Variants in DACH2 observed in about 807,000 individuals in gnomAD.
DACH2 encodes the protein dachshund homolog 2.
DACH2 carries 17 observed loss-of-function variants against 35.8 expected under a neutral mutation model. That is an observed-to-expected ratio of 0.48 (90% CI 0.33 to 0.71). The LOEUF (loss-of-function observed/expected upper bound fraction) is 0.71. Among genes scored for constraint, DACH2 ranks in the 30% least tolerant of loss-of-function variants. The pLI is 0.02. For missense variants in DACH2, 469 were observed against 472.7 expected (o/e 0.99, Z 0.07); for synonymous variants, 195 against 177.3 (o/e 1.10, Z -0.79).
intron 3 of DACH2, among the ~76,000 whole-genome samples, chrX:86,601,722 T>C (rs2039792165): frequency 8.9e-6 from 1 of 112,451 alleles, no homozygotes; most frequent in Non-Finnish European, 1.9e-5. Context: ...ATTTGATCAT[T>C]ATATGTTTAT....
At chrX:86,693,022 A>G (rs932370027) in intron 4 of DACH2, among the ~76,000 whole-genome samples, 2 of 112,544 alleles carry the variant, frequency 1.8e-5, no homozygotes, top group African/African-American at 6.4e-5. Flanking sequence ...TGTTAACACT[A>G]AAATATGTCA....
At chrX:86,356,546 AG>A (rs201694668) in intron 1 of DACH2, among the ~76,000 whole-genome samples, 4,638 of 111,359 alleles carry the variant, frequency 0.042, 116 homozygotes, top group East Asian at 0.21. Context: ...GAATTTTAGA[AG>A]AATTGTTTCT....
chrX:86,390,102 T>C (rs1241629793), intron 2 of DACH2, among the ~76,000 whole-genome samples: 3 of 111,793 alleles, frequency 2.7e-5, no homozygotes, highest in Non-Finnish European at 5.6e-5. Context: ...TCTACTCTTA[T>C]TAGCTCTCGT....
chrX:86,395,885 T>C (rs2036279122), intron 2 of DACH2, among the ~76,000 whole-genome samples: 1 of 111,741 alleles, frequency 8.9e-6, no homozygotes, highest in Non-Finnish European at 1.9e-5. Flanking sequence ...TGATTTATAA[T>C]CCTTTGGGTA....
intron 1 of DACH2, among the ~76,000 whole-genome samples, chrX:86,246,143 G>T (rs1056693799): frequency 1.8e-5 from 2 of 111,644 alleles, no homozygotes; most frequent in Non-Finnish European, 3.8e-5. Context: ...ATGGAATGAA[G>T]AAAGTCTCCA....
intron 3 of DACH2, among the ~76,000 whole-genome samples, chrX:86,535,787 A>T (rs867027907): frequency 3.6e-5 from 4 of 111,051 alleles, no homozygotes; most frequent in Middle Eastern, 4.7e-3. Flanking sequence ...CCGAGCAGGT[A>T]GCCAGTGTTA....
chrX:86,431,355 A>G (rs2036982243), intron 2 of DACH2, among the ~76,000 whole-genome samples: 3 of 111,991 alleles, frequency 2.7e-5, no homozygotes. Context: ...TAAAGAGGGA[A>G]AAAAGCAAAA....
intron 1 of DACH2, among the ~76,000 whole-genome samples, chrX:86,369,180 A>G (rs2035850302): frequency 1.8e-5 from 2 of 111,018 alleles, no homozygotes; most frequent in South Asian, 7.4e-4. Context: ...ACAAACTTAT[A>G]TATATTGCTT....
rs1343970693 is a variant in DACH2 at position 86,755,228 on chromosome X, T to G, written c.1240+15346T>G. On this transcript the variant is annotated intron_variant, in intron 7 of 11. Transcript: ENST00000373125. The stretch of plus-strand genomic sequence containing the variant: ...TATTTTTACGTCTTCCTTTGAGAAG[T>G]GTCTACTCATGCACTTTGCCCACTT... Among the ~76,000 whole-genome samples, 3 of 111,765 alleles carry G rather than the reference T, an allele frequency of 2.7e-5. No individual in the cohort carries two copies. In the Admixed American group the frequency reaches 2.9e-4, roughly 11 times the overall value.
At chrX:86,633,704 C>A (rs747430189) in intron 3 of DACH2, among the ~76,000 whole-genome samples, 1 of 111,118 alleles carries the variant, frequency 9.0e-6, no homozygotes, top group South Asian at 3.8e-4. Flanking sequence ...ATACAAAAAC[C>A]CTCAATAAAA....
chrX:86,680,648 A>ATTT (rs2040870238), intron 4 of DACH2, among the ~76,000 whole-genome samples: 1 of 91,219 alleles, frequency 1.1e-5, no homozygotes, highest in African/African-American at 4.2e-5. Context: ...ATAATGACTC[A>ATTT]TTTCTTTTTT....
chrX:86,358,370 A>G (rs1030853993), intron 1 of DACH2, among the ~76,000 whole-genome samples: 1 of 108,767 alleles, frequency 9.2e-6, no homozygotes, highest in African/African-American at 3.4e-5. Flanking sequence ...TTTAAGTACG[A>G]TTCAAAGTAG....
At chrX:86,628,856 C>T (rs1428900760) in intron 3 of DACH2, among the ~76,000 whole-genome samples, 1 of 111,756 alleles carries the variant, frequency 8.9e-6, no homozygotes, top group Non-Finnish European at 1.9e-5. Context: ...AAGCCAATTA[C>T]CTTTCTGGAA....
At chrX:86,163,227 CT>C (rs1447028730) in intron 1 of DACH2, among the ~76,000 whole-genome samples, 4 of 110,539 alleles carry the variant, frequency 3.6e-5, no homozygotes, top group African/African-American at 1.3e-4. Flanking sequence ...GGTAACCATC[CT>C]TCTACTTTCT....
chrX:86,666,372 A>C (rs998429564), intron 4 of DACH2, among the ~76,000 whole-genome samples: 15 of 111,239 alleles, frequency 1.3e-4, no homozygotes, highest in African/African-American at 4.9e-4. Context: ...CACCTGCATC[A>C]ACATTACTAT....
At chrX:86,646,546 G>C (rs1156400716) in intron 3 of DACH2, among the ~76,000 whole-genome samples, 1 of 108,321 alleles carries the variant, frequency 9.2e-6, no homozygotes, top group Non-Finnish European at 1.9e-5. Flanking sequence ...ATGATTTCTT[G>C]GATATGACAC....
At chrX:86,150,381 A>G (rs1156745025) in intron 1 of DACH2, among the ~76,000 whole-genome samples, 1 of 112,632 alleles carries the variant, frequency 8.9e-6, no homozygotes, top group Non-Finnish European at 1.9e-5. Flanking sequence ...TAAAACTGTA[A>G]CAGTTTGCCA....
chrX:86,418,247 G>A (rs1203185370), intron 2 of DACH2, among the ~76,000 whole-genome samples: 1 of 111,529 alleles, frequency 9.0e-6, no homozygotes, highest in Non-Finnish European at 1.9e-5. Flanking sequence ...CCATTCTGGG[G>A]TCTGGAGGAG....
At position 86,667,545 on chromosome X, in the gene DACH2, GAAGAAAGAAAGAAAGA is replaced by G. The variant is rs367810959; in HGVS notation, c.772+16434_772+16449del. On this transcript the variant is annotated intron_variant, in intron 4 of 11. Coordinates refer to ENST00000373125, the MANE Select transcript of DACH2 (RefSeq NM_053281.3). ...AGAAAGAAAGAAAGAAAGAAAGAAA[GAAGAAAGAAAGAAAGA>G]AAGAAAGAAAGAAAGAAAGAAAGAA... 2.1e-3 allele frequency among the ~76,000 whole-genome samples: 65 copies of G among 31,340 alleles called. 1 individual carries two copies. Among genetic ancestry groups the G allele is most frequent in the Middle Eastern group, 0.016 (1 of 64 alleles). 27.2% of individuals were successfully genotyped at this position (31,340 alleles called of 115,157 possible). A position where few individuals can be genotyped will look rare whatever the true frequency, so the allele number is the denominator to read the frequency against.
Sources: allele counts gnomAD v4.1 joint callset (sites outside exome capture counted in the v4.1 genomes callset), GRCh38; gene constraint gnomAD v4.1.1; transcripts MANE v1.5; gene names NCBI Gene and HGNC (gene_info 2026-07-23, HGNC 2026-07-21).